The following MYO5A variants were observed in gnomAD, a reference collection of about 807,000 sequenced individuals.
MYO5A encodes the protein myosin VA.
MYO5A carries 98 observed loss-of-function variants against 249.7 expected under a neutral mutation model. The observed-to-expected ratio is 0.39, with a 90% confidence interval of 0.33 to 0.46. The LOEUF (loss-of-function observed/expected upper bound fraction) is 0.46, where lower values mean the gene tolerates loss of function less well. MYO5A is among the 20% of genes least tolerant of loss of function. The probability of loss-of-function intolerance (pLI) is 0.98; values close to 1 mark genes in which losing one functional copy is unlikely to be tolerated. For missense variants in MYO5A, 1,696 were observed against 2,308.8 expected (o/e 0.73, Z 5.44); for synonymous variants, 778 against 810.6 (o/e 0.96, Z 0.68).
rs1357156426 is a variant in MYO5A, at chr15:52,432,170, G to T, written c.138+1005C>A. Reference sequence around the variant, plus strand: ...AAACAATACTTCCTTCCCTATAGAAGAATTCTAGTTAATAAGTATAGAAGG... The same window carrying T: ...AAACAATACTTCCTTCCCTATAGAATAATTCTAGTTAATAAGTATAGAAGG... On this transcript the variant is annotated intron_variant, in intron 2 of 41. Coordinates refer to ENST00000399233, the MANE Select transcript of MYO5A (RefSeq NM_001382347.1). 2.6e-5 allele frequency among the ~76,000 whole-genome samples: 4 copies of T among 152,278 alleles called. No homozygotes were observed. In the South Asian group the frequency reaches 6.2e-4, roughly 24 times the overall value.
At chr15:52,489,133 A>C (rs2076883223) in intron 1 of MYO5A, among the ~76,000 whole-genome samples, 1 of 152,248 alleles carries the variant, frequency 6.6e-6, no homozygotes, top group Non-Finnish European at 1.5e-5. Context: ...CAAAGACCTA[A>C]ATGTTAAGAG....
chr15:52,504,850 C>G (rs1039478636), intron 1 of MYO5A, among the ~76,000 whole-genome samples: 3 of 151,094 alleles, frequency 2.0e-5, no homozygotes, highest in African/African-American at 7.3e-5. Flanking sequence ...GATCGCACCA[C>G]TGCACTCCAG....
At chr15:52,348,763 C>T (rs1186468739) in intron 29 of MYO5A, 55 bp downstream of exon 29, 3 of 1,372,388 alleles carry the variant, frequency 2.2e-6, no homozygotes, top group Non-Finnish European at 3.0e-6. Flanking sequence ...TACTTGTAAA[C>T]TAAAGTTAGG....
At chr15:52,518,681 T>C (rs1234913308) in intron 1 of MYO5A, among the ~76,000 whole-genome samples, 1 of 152,198 alleles carries the variant, frequency 6.6e-6, no homozygotes, top group Non-Finnish European at 1.5e-5. Flanking sequence ...GAATATCTAG[T>C]CATCTTACTG....
chr15:52,340,087 C>A, intron 32 of MYO5A, 109 bp downstream of exon 32: 1 of 1,145,336 alleles, frequency 8.7e-7, no homozygotes. Context: ...GTAACAAGTA[C>A]AGAGGGGTGA....
At chr15:52,365,653 C>T (rs1412858091) in intron 23 of MYO5A, among the ~76,000 whole-genome samples, 1 of 152,178 alleles carries the variant, frequency 6.6e-6, no homozygotes, top group Admixed American at 6.5e-5. Context: ...CAGCTGCTTT[C>T]CTGGTGCCCA....
chr15:52,397,435 T>A lies in MYO5A; in HGVS notation c.1085A>T (p.Glu362Val), dbSNP rs769184092. 6.2e-7 allele frequency: 1 copy of A among 1,613,972 alleles called. No individual in the cohort carries two copies. Among genetic ancestry groups the A allele is most frequent in the East Asian group, 2.2e-5 (1 of 44,868 alleles). ...PKHEPLCIFCELMGVDYEEMC... is the reference protein window; with the variant it reads ...PKHEPLCIFCVLMGVDYEEMC... The stretch of plus-strand genomic sequence containing the variant: ...CTCCTCATAGTCCACACCCATGAGT[T>A]CACAGAAGATGCAGAGAGGTTCATG... The change falls in exon 10 of 42, where the codon GAA (glutamate) becomes GTA (valine). Residue 362 changes from glutamate (E) to valine (V), a missense_variant. Coordinates refer to ENST00000399233, the MANE Select transcript of MYO5A (RefSeq NM_001382347.1).
intron 2 of MYO5A, among the ~76,000 whole-genome samples, chr15:52,431,233 A>AAAAAAAAAAAAAAAG (rs2075527069): frequency 6.8e-6 from 1 of 146,062 alleles, no homozygotes; most frequent in East Asian, 2.0e-4. Flanking sequence ...TTCCGTCTCA[A>AAAAAAAAAAAAAAAG]AAAAAAAAAA....
At chr15:52,346,604 A>C in intron 29 of MYO5A, 143 bp from the exon 30 acceptor site, 2 of 700,110 alleles carry the variant, frequency 2.9e-6, no homozygotes, top group Non-Finnish European at 5.2e-6. Flanking sequence ...CCCCAACCTC[A>C]TGTAACTGCA....
intron 1 of MYO5A, among the ~76,000 whole-genome samples, chr15:52,503,448 T>C (rs887340985): frequency 4.1e-5 from 6 of 144,856 alleles, no homozygotes; most frequent in South Asian, 2.2e-4. Flanking sequence ...CTGGGCAATA[T>C]AGTGAGATGC....
At chr15:52,427,720 G>A (rs915719284) in intron 3 of MYO5A, among the ~76,000 whole-genome samples, 5 of 152,088 alleles carry the variant, frequency 3.3e-5, no homozygotes, top group Non-Finnish European at 5.9e-5. Flanking sequence ...TTGAGCTTCC[G>A]AGGACAGAGT....
intron 29 of MYO5A, 87 bp downstream of exon 29, chr15:52,348,731 A>G: frequency 1.8e-6 from 2 of 1,107,598 alleles, no homozygotes; most frequent in Non-Finnish European, 2.6e-6. Flanking sequence ...GTCAGAAAGC[A>G]TCAATTGCCT....
At chr15:52,425,010 C>T (rs1292915156) in intron 4 of MYO5A, among the ~76,000 whole-genome samples, 1 of 152,200 alleles carries the variant, frequency 6.6e-6, no homozygotes, top group Middle Eastern at 3.2e-3. Context: ...GTACCAACTA[C>T]TCAGGAGGCT....
At chr15:52,470,027 T>C (rs945736762) in intron 1 of MYO5A, among the ~76,000 whole-genome samples, 3 of 152,238 alleles carry the variant, frequency 2.0e-5, no homozygotes, top group Non-Finnish European at 2.9e-5. Context: ...ATTCACAACA[T>C]CTGGACGATT....
intron 1 of MYO5A, among the ~76,000 whole-genome samples, chr15:52,516,818 A>G (rs935261317): frequency 6.6e-6 from 1 of 152,218 alleles, no homozygotes; most frequent in Non-Finnish European, 1.5e-5. Context: ...ACATGTCTAC[A>G]ATGTCCTGAT....
At chr15:52,523,695 G>A (rs2077669975) in intron 1 of MYO5A, among the ~76,000 whole-genome samples, 1 of 152,208 alleles carries the variant, frequency 6.6e-6, no homozygotes, top group Admixed American at 6.5e-5. Flanking sequence ...GAAGTCGAAT[G>A]TGAAAGACAA....
chr15:52,405,048 CTG>C lies in MYO5A; in HGVS notation c.1053+237_1053+238del, dbSNP rs1406134925. Among the ~76,000 whole-genome samples the C allele has an allele frequency of 1.1e-3, 95 of 84,592 alleles. 1 individual carries two copies. The highest frequency in any genetic ancestry group is 1.7e-3 in the Non-Finnish European group (69 of 40,226). The allele number at this position is 84,592 out of a possible 152,430, so 55.5% of individuals were successfully genotyped here. ...CAACCCTCTCTCTTTCTCTCTCTCT[CTG>C]TCACACACACACACACACACACACA... On this transcript the variant is annotated intron_variant, in intron 9 of 41. Coordinates refer to ENST00000399233, the MANE Select transcript of MYO5A (RefSeq NM_001382347.1).
intron 30 of MYO5A, among the ~76,000 whole-genome samples, chr15:52,345,650 T>C (rs1055742148): frequency 3.3e-5 from 5 of 151,096 alleles, no homozygotes; most frequent in African/African-American, 4.8e-5. Flanking sequence ...TCAGTACAAA[T>C]GTAATTTAAA....
Position 52,383,074 on chromosome 15 carries a change from G to A in MYO5A, c.2012+17C>T. ...TAAGATATGTACTTTTTCACTGGGTGGTTCAGAAATACTTACGTGAATGGG... is the reference window on the plus strand; with the variant it reads ...TAAGATATGTACTTTTTCACTGGGTAGTTCAGAAATACTTACGTGAATGGG... On this transcript the variant is annotated intron_variant, in intron 16 of 41. Coordinates refer to ENST00000399233, the MANE Select transcript of MYO5A (RefSeq NM_001382347.1). 1 of 1,574,852 alleles carries A rather than the reference G, an allele frequency of 6.3e-7. No individual in the cohort carries two copies. Among genetic ancestry groups the A allele is most frequent in the Non-Finnish European group, 8.7e-7 (1 of 1,144,306 alleles).
Sources: gnomAD v4.1 joint callset for allele counts (sites outside exome capture counted in the v4.1 genomes callset) on GRCh38, gnomAD v4.1.1 for gene constraint, MANE v1.5 for transcripts, NCBI Gene and HGNC (gene_info 2026-07-23, HGNC 2026-07-21) for gene names.